Variants in CDH6 observed in about 807,000 individuals in gnomAD.
CDH6 encodes cadherin-6.
A neutral mutation model predicts 78.0 loss-of-function variants in CDH6; 31 were observed. The ratio of observed to expected loss-of-function variants is 0.40; its 90% CI spans 0.30 to 0.54. The LOEUF (loss-of-function observed/expected upper bound fraction) is 0.54, where lower values mean the gene tolerates loss of function less well. Ranked by LOEUF, CDH6 falls within the 20% of genes least tolerant of loss-of-function variation. The pLI is 0.56. For synonymous variants in CDH6, 376 were observed against 368.8 expected (o/e 1.02, Z -0.23); for missense variants, 724 against 975.9 (o/e 0.74, Z 3.44).
chr5:31,327,227 G>T lies in CDH6; in HGVS notation c.*3919G>T. 5.3e-6 allele frequency: 1 copy of T among 187,836 alleles called. No individual in the cohort carries two copies. Among genetic ancestry groups the T allele is most frequent in the Non-Finnish European group, 1.1e-5 (1 of 89,146 alleles). 11.6% of individuals were successfully genotyped at this position (187,836 alleles called of 1,614,324 possible). A position where few individuals can be genotyped will look rare whatever the true frequency, so the allele number is the denominator to read the frequency against. On this transcript the variant is annotated 3_prime_UTR_variant, in exon 12 of 12. Transcript: ENST00000265071. ...CAAGCACCATAAAAAGTATGCAGTTGAAAAGAAAATCAAAGTTGATTCCTG... is the reference window on the plus strand; with the variant it reads ...CAAGCACCATAAAAAGTATGCAGTTTAAAAGAAAATCAAAGTTGATTCCTG...
rs762903474 is a variant in CDH6, at chr5:31,267,623, T to C, written c.150T>C (p.Arg50=). ...LSGNSKNELN[R]SKRSWMWNQF... ...GAAACAGCAAAAATGAGCTGAACCG[T>C]TCAAAAAGGAGCTGGATGTGGAATC... Residue 50 remains arginine, a synonymous_variant, in exon 2 of 12, where the codon CGT becomes CGC. Coordinates refer to ENST00000265071, the MANE Select transcript of CDH6 (RefSeq NM_004932.4). 13 of 1,613,936 alleles carry C rather than the reference T, an allele frequency of 8.1e-6. No individual in the cohort carries two copies. The East Asian group carries it at 2.0e-4, about 25-fold the overall frequency.
chr5:31,236,526 G>A (rs1252908833), intron 1 of CDH6, among the ~76,000 whole-genome samples: 1 of 152,100 alleles, frequency 6.6e-6, no homozygotes, highest in Admixed American at 6.5e-5. Context: ...CTGCCTCGTG[G>A]TGAGCTCTGG....
At chr5:31,209,299 A>T (rs1355251583) in intron 1 of CDH6, among the ~76,000 whole-genome samples, 1 of 152,158 alleles carries the variant, frequency 6.6e-6, no homozygotes, top group Non-Finnish European at 1.5e-5. Flanking sequence ...GGCTCAAAAA[A>T]ATGAGATCAG....
chr5:31,206,082 C>CTTG (rs950586064), intron 1 of CDH6, among the ~76,000 whole-genome samples: 1 of 152,088 alleles, frequency 6.6e-6, no homozygotes, highest in African/African-American at 2.4e-5. Context: ...CTGTTGCATT[C>CTTG]TTGTGCCTTT....
chr5:31,258,507 G>A (rs566626966), intron 1 of CDH6, among the ~76,000 whole-genome samples: 106 of 152,228 alleles, frequency 7.0e-4, no homozygotes, highest in Non-Finnish European at 1.0e-3. Flanking sequence ...GGCTAGGGGA[G>A]GGATAGCATT....
chr5:31,203,994 C>T (rs1001396274), intron 1 of CDH6, among the ~76,000 whole-genome samples: 29 of 152,228 alleles, frequency 1.9e-4, no homozygotes, highest in African/African-American at 7.0e-4. Flanking sequence ...GTTAATGTAC[C>T]CAAGAGGAGG....
intron 2 of CDH6, among the ~76,000 whole-genome samples, chr5:31,270,030 TTAGAC>T (rs1742477143): frequency 6.6e-6 from 1 of 152,166 alleles, no homozygotes; most frequent in African/African-American, 2.4e-5. Flanking sequence ...GATGAAACAA[TTAGAC>T]TAGTATTTTT....
intron 1 of CDH6, among the ~76,000 whole-genome samples, chr5:31,223,438 T>C (rs1436719785): frequency 1.3e-5 from 2 of 152,232 alleles, no homozygotes; most frequent in African/African-American, 4.8e-5. Flanking sequence ...TCCCTCCTTC[T>C]GGGAAACATA....
intron 7 of CDH6, among the ~76,000 whole-genome samples, chr5:31,307,911 T>C (rs1054497983): frequency 4.6e-5 from 7 of 152,234 alleles, no homozygotes; most frequent in Non-Finnish European, 7.4e-5. Flanking sequence ...TCAGATTATG[T>C]TGGCTGTCAG....
intron 1 of CDH6, chr5:31,251,452 C>A (rs1048724537): frequency 6.6e-6 from 1 of 152,316 alleles, no homozygotes; most frequent in African/African-American, 2.4e-5. Context: ...CAGCTCCACA[C>A]TTCTTTCCTT....
chr5:31,302,369 G>A (rs1385287755), intron 6 of CDH6, 71 bp downstream of exon 6: 8 of 1,086,862 alleles, frequency 7.4e-6, no homozygotes, highest in African/African-American at 1.6e-5. Context: ...GTTACCAGGG[G>A]CAATTATATC....
chr5:31,248,668 C>A (rs1741824313), intron 1 of CDH6, among the ~76,000 whole-genome samples: 1 of 152,010 alleles, frequency 6.6e-6, no homozygotes, highest in Non-Finnish European at 1.5e-5. Flanking sequence ...TGAACTCAAC[C>A]ATCATAAAGC....
intron 1 of CDH6, among the ~76,000 whole-genome samples, chr5:31,220,814 G>A (rs906718538): frequency 2.6e-5 from 4 of 152,116 alleles, no homozygotes; most frequent in African/African-American, 9.7e-5. Flanking sequence ...AACTGGGGGT[G>A]GGAAGATGAA....
At chr5:31,277,476 A>C (rs1742729525) in intron 2 of CDH6, among the ~76,000 whole-genome samples, 1 of 152,220 alleles carries the variant, frequency 6.6e-6, no homozygotes, top group Non-Finnish European at 1.5e-5. Flanking sequence ...TCCTTATATA[A>C]TTGAACCAAA....
At chr5:31,199,683 GTGTA>G (rs1472221898) in intron 1 of CDH6, among the ~76,000 whole-genome samples, 1 of 59,666 alleles carries the variant, frequency 1.7e-5, no homozygotes, top group African/African-American at 5.7e-5. Flanking sequence ...GTGTGTGTGT[GTGTA>G]TATATATATA....
At chr5:31,292,397 G>C (rs1374359454) in intron 2 of CDH6, among the ~76,000 whole-genome samples, 1 of 152,106 alleles carries the variant, frequency 6.6e-6, no homozygotes, top group Admixed American at 6.6e-5. Context: ...TCCTGTAAAT[G>C]ATATTACATG....
In CDH6 at chr5:31,267,647, T is replaced by C; in HGVS notation, c.174T>C (p.Asn58=). ...LNRSKRSWMW[N]QFFLLEEYTG... ...GTTCAAAAAGGAGCTGGATGTGGAA[T>C]CAGTTCTTTCTCCTGGAGGAATACA... The change falls in exon 2 of 12, where the codon AAT becomes AAC. Residue 58 remains asparagine (N), a synonymous_variant. Coordinates refer to ENST00000265071, the MANE Select transcript of CDH6 (RefSeq NM_004932.4). The C allele has an allele frequency of 2.5e-6, 4 of 1,614,144 alleles. No individual in the cohort carries two copies. Among genetic ancestry groups the C allele is most frequent in the Non-Finnish European group, 8.5e-7 (1 of 1,180,008 alleles).
rs541744634 is a variant in CDH6 at position 31,229,083 on chromosome 5, C to G, written c.-129+35197C>G. On this transcript the variant is annotated intron_variant, in intron 1 of 11. Transcript: ENST00000265071. ...TACCCGTCATACTAACTAGCACTTG[C>G]GTGCCATTTCCAAGGGTACCAACTG... 1.3e-5 allele frequency among the ~76,000 whole-genome samples: 2 copies of G among 152,322 alleles called. 1 individual carries two copies. The highest frequency in any genetic ancestry group is 4.1e-4 in the South Asian group (2 of 4,822).
At position 31,299,594 on chromosome 5, in the gene CDH6, G is replaced by A. The variant is rs1737705592; in HGVS notation, c.774G>A (p.Leu258=). The change falls in exon 5 of 12, where the codon CTG becomes CTA. Residue 258 remains leucine, a synonymous_variant. Transcript: ENST00000265071. Reference sequence around the variant, plus strand: ...GGACCACCACCGTGAACATCACACTGACTGATGTCAACGACAACCCTCCCC... The same window carrying A: ...GGACCACCACCGTGAACATCACACTAACTGATGTCAACGACAACCCTCCCC... ...LSGTTTVNIT[L]TDVNDNPPRF... The A allele has an allele frequency of 1.2e-6, 2 of 1,613,772 alleles. No homozygotes were observed. The highest frequency in any genetic ancestry group is 2.2e-5 in the South Asian group (2 of 91,044).
Sources: allele counts gnomAD v4.1 joint callset (sites outside exome capture counted in the v4.1 genomes callset), GRCh38; gene constraint gnomAD v4.1.1; transcripts MANE v1.5; gene names NCBI Gene and HGNC (gene_info 2026-07-23, HGNC 2026-07-21).